The following MYO1B variants were observed in gnomAD, a reference collection of about 807,000 sequenced individuals.
The protein encoded by MYO1B is myosin IB.
In MYO1B, 72 loss-of-function variants were observed where a neutral mutation model predicts 159.7. The ratio of observed to expected loss-of-function variants is 0.45; its 90% CI spans 0.37 to 0.55. MYO1B has a LOEUF of 0.55. Among genes scored for constraint, MYO1B ranks in the 20% least tolerant of loss-of-function variants. The pLI is 0.00. For missense variants in MYO1B, 1,062 were observed against 1,364.8 expected, an observed-to-expected ratio of 0.78 and a Z score of 3.50; for synonymous variants, 468 against 473.8, an observed-to-expected ratio of 0.99 and a Z score of 0.16.
Position 191,276,998 on chromosome 2 carries a change from C to A in MYO1B, c.103C>A (p.Leu35Ile), listed in dbSNP as rs1395942894. The change falls in exon 2 of 31, where the codon CTC becomes ATC. Residue 35 changes from leucine to isoleucine, a missense_variant. By Grantham distance (5) the Leu-to-Ile change is conservative. Transcript: ENST00000392318. ...PLNEETFINN[L>I]KKRFDHSEIY... is the part of the protein sequence containing the mutation. Reference sequence around the variant, plus strand: ...CAATGAGGAGACCTTCATCAACAACCTCAAGAAGCGCTTTGACCACAGTGA... The same window carrying A: ...CAATGAGGAGACCTTCATCAACAACATCAAGAAGCGCTTTGACCACAGTGA... The A allele has an allele frequency of 3.7e-6, 6 of 1,613,944 alleles. No homozygotes were observed. Among genetic ancestry groups the A allele is most frequent in the Non-Finnish European group, 5.1e-6 (6 of 1,179,972 alleles).
rs1246003181 is a variant in MYO1B at position 191,360,522 on chromosome 2, C to G, written c.563-109C>G. 6.1e-6 allele frequency: 4 copies of G among 655,168 alleles called. No individual in the cohort carries two copies. The African/African-American group carries it at 7.3e-5, about 12-fold the overall frequency. 40.6% of individuals were successfully genotyped at this position (655,168 alleles called of 1,614,324 possible). The stretch of plus-strand genomic sequence containing the variant: ...GAAAATACAGCTTCCTTTATTATTT[C>G]ATTTTATTACTGCAGAATAGAAAGA... On this transcript the variant is annotated intron_variant, in intron 7 of 30. Coordinates refer to ENST00000392318, the MANE Select transcript of MYO1B (RefSeq NM_001130158.3).
intron 5 of MYO1B, among the ~76,000 whole-genome samples, chr2:191,344,644 A>C (rs952595373): frequency 2.6e-5 from 4 of 151,496 alleles, no homozygotes; most frequent in African/African-American, 7.3e-5. Flanking sequence ...TCCCGGCTAA[A>C]ACGGTGAAAC....
At chr2:191,389,090 T>C (rs1434554932) in intron 17 of MYO1B, among the ~76,000 whole-genome samples, 1 of 152,224 alleles carries the variant, frequency 6.6e-6, no homozygotes, top group Non-Finnish European at 1.5e-5. Context: ...CCTTTATTGA[T>C]AATCTGTTGA....
chr2:191,290,170 A>C (rs1688613620), intron 2 of MYO1B, among the ~76,000 whole-genome samples: 1 of 152,224 alleles, frequency 6.6e-6, no homozygotes, highest in African/African-American at 2.4e-5. Context: ...CTTGGGTCTT[A>C]CTATAAATAT....
intron 14 of MYO1B, among the ~76,000 whole-genome samples, 169 bp downstream of exon 14, chr2:191,381,735 G>A (rs1695051272): frequency 6.6e-6 from 1 of 152,174 alleles, no homozygotes; most frequent in Non-Finnish European, 1.5e-5. Context: ...TTACCTATAA[G>A]AAGCTATAGA....
intron 3 of MYO1B, among the ~76,000 whole-genome samples, chr2:191,300,448 A>G (rs181998068): frequency 1.3e-5 from 2 of 151,486 alleles, no homozygotes; most frequent in East Asian, 1.9e-4. Flanking sequence ...GGTTCAAGCA[A>G]TTCTCCTGCC....
At chr2:191,406,723 A>G (rs1696936834) in intron 24 of MYO1B, among the ~76,000 whole-genome samples, 2 of 152,216 alleles carry the variant, frequency 1.3e-5, no homozygotes, top group African/African-American at 4.8e-5. Context: ...TCAAAATGTG[A>G]CAGACACAGA....
chr2:191,364,915 A>G (rs997289365), intron 11 of MYO1B, among the ~76,000 whole-genome samples: 2 of 152,208 alleles, frequency 1.3e-5, no homozygotes, highest in African/African-American at 4.8e-5. Context: ...AGCAACTGGA[A>G]ACATGGAGTT....
rs187735491 is a variant in MYO1B, at chr2:191,381,561, C to A, written c.1285C>A (p.Arg429=). ...TLKEEQEEYI[R]EDIEWTHIDY... is the part of the protein sequence containing the mutation. The stretch of plus-strand genomic sequence containing the variant: ...TAAAGAAGAGCAGGAGGAGTATATA[C>A]GGGAGGTAATGTTGAAATGCTATTT... The change falls in exon 14 of 31, where the codon CGG becomes AGG. Residue 429 remains arginine (R), a synonymous_variant. Transcript: ENST00000392318. The A allele has an allele frequency of 6.2e-7, 1 of 1,605,292 alleles. No homozygotes were observed. Among genetic ancestry groups the A allele is most frequent in the Non-Finnish European group, 8.5e-7 (1 of 1,173,672 alleles).
At chr2:191,289,365 C>G (rs992852983) in intron 2 of MYO1B, among the ~76,000 whole-genome samples, 1 of 152,194 alleles carries the variant, frequency 6.6e-6, no homozygotes, top group African/African-American at 2.4e-5. Context: ...TTCACTTCTG[C>G]TAGCTAATGT....
rs998060533 is a variant in MYO1B at position 191,270,612 on chromosome 2, G to A, written c.-9-6275G>A. On this transcript the variant is annotated intron_variant, in intron 1 of 30. Coordinates refer to ENST00000392318, the MANE Select transcript of MYO1B (RefSeq NM_001130158.3). ...TTCGGTGCTATTTTAAAAGATCTAG[G>A]AAGGAAATTCCAGTTTTTCTGACTC... Among the ~76,000 whole-genome samples the A allele has an allele frequency of 2.0e-5, 3 of 152,254 alleles. No individual in the cohort carries two copies. The South Asian group carries it at 6.2e-4, about 32-fold the overall frequency.
intron 1 of MYO1B, chr2:191,248,111 A>C (rs1327542947): frequency 1.4e-6 from 1 of 721,126 alleles, no homozygotes; most frequent in Non-Finnish European, 1.7e-6. Flanking sequence ...CCTCCCTTCT[A>C]CTGTTTTCAA....
intron 29 of MYO1B, among the ~76,000 whole-genome samples, 190 bp downstream of exon 29, chr2:191,414,859 C>T (rs1006974062): frequency 1.3e-5 from 2 of 152,146 alleles, no homozygotes; most frequent in African/African-American, 4.8e-5. Context: ...TTTTATTGGC[C>T]AGTTTACTTT....
At chr2:191,313,637 GC>G (rs1035086160) in intron 3 of MYO1B, among the ~76,000 whole-genome samples, 1 of 152,252 alleles carries the variant, frequency 6.6e-6, no homozygotes, top group Admixed American at 6.5e-5. Flanking sequence ...ACCCGCCTCG[GC>G]CCCCCAAAGT....
intron 30 of MYO1B, among the ~76,000 whole-genome samples, chr2:191,418,301 C>T (rs1484529422): frequency 6.6e-6 from 1 of 152,052 alleles, no homozygotes; most frequent in Admixed American, 6.6e-5. Context: ...TAAGTGGCTT[C>T]GCTAGCTCTA....
At position 191,288,294 on chromosome 2, in the gene MYO1B, A is replaced by G. The variant is rs142173048; in HGVS notation, c.136-7817A>G. On this transcript the variant is annotated intron_variant, in intron 2 of 30. Coordinates refer to ENST00000392318, the MANE Select transcript of MYO1B (RefSeq NM_001130158.3). ...GGTGGTGGCTGGGCGGCATTCAGCT[A>G]TCACCTGAAACCTAACGTCTTATGT... Among the ~76,000 whole-genome samples the G allele has an allele frequency of 7.4e-4, 112 of 151,444 alleles. 1 individual carries two copies. Among genetic ancestry groups the G allele is most frequent in the Middle Eastern group, 3.5e-3 (1 of 288 alleles).
chr2:191,387,487 T>C, intron 17 of MYO1B, 37 bp downstream of exon 17: 3 of 1,554,624 alleles, frequency 1.9e-6, no homozygotes, highest in Non-Finnish European at 2.7e-6. Flanking sequence ...AGTTCAAATG[T>C]GAGAGCACCC....
chr2:191,336,308 A>G (rs1041884547), intron 4 of MYO1B, among the ~76,000 whole-genome samples: 1 of 152,174 alleles, frequency 6.6e-6, no homozygotes, highest in Non-Finnish European at 1.5e-5. Context: ...TGGTTCTCCA[A>G]CTGGACAGTG....
intron 11 of MYO1B, among the ~76,000 whole-genome samples, chr2:191,364,601 G>T (rs532829326): frequency 6.6e-6 from 1 of 152,242 alleles, no homozygotes; most frequent in South Asian, 2.1e-4. Context: ...ACTCAAGTGA[G>T]GTGGGAAATG....
Sources: gnomAD v4.1 joint callset for allele counts (sites outside exome capture counted in the v4.1 genomes callset) on GRCh38, gnomAD v4.1.1 for gene constraint, MANE v1.5 for transcripts, NCBI Gene and HGNC (gene_info 2026-07-23, HGNC 2026-07-21) for gene names.